The following DLGAP1 variants were observed in gnomAD, a reference collection of about 807,000 sequenced individuals.
DLGAP1 encodes DLG associated protein 1, also known as disks large-associated protein 1.
Under a neutral mutation model 90.8 loss-of-function variants are expected in DLGAP1, and 11 were observed. The ratio of observed to expected loss-of-function variants is 0.12; its 90% CI spans 0.08 to 0.20. The LOEUF (loss-of-function observed/expected upper bound fraction) is 0.20. DLGAP1 is among the 10% of genes least tolerant of loss of function. The pLI is 1.00. For missense variants in DLGAP1, 1,050 were observed against 1,333.8 expected (o/e 0.79, Z 3.31); for synonymous variants, 558 against 540.7 (o/e 1.03, Z -0.44).
intron 3 of DLGAP1, among the ~76,000 whole-genome samples, chr18:3,946,963 G>C (rs971416790): frequency 8.5e-5 from 13 of 152,130 alleles, no homozygotes; most frequent in Admixed American, 2.0e-4. Context: ...GATATTTTAG[G>C]GGGGAGACTT....
chr18:4,319,300 C>T (rs2080615275), intron 1 of DLGAP1, among the ~76,000 whole-genome samples: 1 of 152,140 alleles, frequency 6.6e-6, no homozygotes, highest in African/African-American at 2.4e-5. Context: ...TTATGTAGCC[C>T]TTCATGCTTT....
chr18:4,255,122 C>T (rs768931245), intron 1 of DLGAP1, among the ~76,000 whole-genome samples: 6 of 152,154 alleles, frequency 3.9e-5, no homozygotes, highest in Non-Finnish European at 8.8e-5. Context: ...CCGATTAAAA[C>T]CTCTGCACAG....
chr18:3,990,599 G>A (rs1013988818), intron 3 of DLGAP1, among the ~76,000 whole-genome samples: 2 of 146,792 alleles, frequency 1.4e-5, no homozygotes, highest in Admixed American at 6.8e-5. Flanking sequence ...AAACCTGCAC[G>A]TTGTGCACAT....
chr18:3,822,931 A>T (rs1314122065), intron 4 of DLGAP1, among the ~76,000 whole-genome samples: 1 of 152,224 alleles, frequency 6.6e-6, no homozygotes, highest in Admixed American at 6.5e-5. Context: ...GGATCACTTG[A>T]ATCCAGGAGT....
rs924494200 is a variant in DLGAP1 at position 3,740,926 on chromosome 18, T to C, written c.1350+1409A>G. Among the ~76,000 whole-genome samples, 6 of 113,424 alleles carry C rather than the reference T, an allele frequency of 5.3e-5. No homozygotes were observed. In the East Asian group the frequency reaches 1.8e-3, roughly 34 times the overall value. 74.4% of individuals were successfully genotyped at this position (113,424 alleles called of 152,430 possible). A position where few individuals can be genotyped will look rare whatever the true frequency, so the allele number is the denominator to read the frequency against. ...CCCATTACCAACACCACCACCACCA[T>C]GGTCATCACCACCACTGCCACCACT... On this transcript the variant is annotated intron_variant, in intron 6 of 12. Transcript: ENST00000315677.
At chr18:3,771,084 C>CT (rs1470674105) in intron 5 of DLGAP1, 4 of 152,136 alleles carry the variant, frequency 2.6e-5, no homozygotes, top group African/African-American at 9.7e-5. Flanking sequence ...AAAATGTACT[C>CT]TATTATGCTA....
chr18:4,256,854 G>A (rs1024379816), intron 1 of DLGAP1, among the ~76,000 whole-genome samples: 2 of 152,098 alleles, frequency 1.3e-5, no homozygotes, highest in African/African-American at 2.4e-5. Flanking sequence ...GAGGGTACAG[G>A]AAATGTGACA....
intron 9 of DLGAP1, among the ~76,000 whole-genome samples, chr18:3,563,943 G>T (rs1408954076): frequency 6.6e-6 from 1 of 151,956 alleles, no homozygotes; most frequent in Non-Finnish European, 1.5e-5. Context: ...ATCTCTCTTA[G>T]AACTCTTTTT....
chr18:3,948,455 C>T (rs867961220), intron 3 of DLGAP1, among the ~76,000 whole-genome samples: 14 of 152,150 alleles, frequency 9.2e-5, no homozygotes, highest in African/African-American at 2.9e-4. Context: ...ATGCCTGTGA[C>T]GATCTCCTTC....
At chr18:3,895,180 T>C (rs2071585881) in intron 3 of DLGAP1, among the ~76,000 whole-genome samples, 1 of 152,052 alleles carries the variant, frequency 6.6e-6, no homozygotes, top group South Asian at 2.1e-4. Context: ...CCAGCTTGAA[T>C]ACCAGGAAGG....
Position 3,515,637 on chromosome 18 carries a change from G to A in DLGAP1, c.2480-6976C>T, listed in dbSNP as rs1011843630. On this transcript the variant is annotated intron_variant, in intron 10 of 12. Coordinates refer to ENST00000315677, the MANE Select transcript of DLGAP1 (RefSeq NM_004746.4). ...CTACTAAAAATACGAAAAATTAGTC[G>A]GCCTGGTGGCACATCCCTGAAGTCC... Among the ~76,000 whole-genome samples the A allele has an allele frequency of 4.7e-5, 7 of 149,570 alleles. No individual in the cohort carries two copies. The South Asian group carries it at 6.4e-4, about 14-fold the overall frequency.
chr18:4,085,038 G>T (rs904804635), intron 2 of DLGAP1, among the ~76,000 whole-genome samples: 1 of 152,084 alleles, frequency 6.6e-6, no homozygotes, highest in East Asian at 1.9e-4. Flanking sequence ...GAGGTTTTCT[G>T]TACTTCTGTG....
At chr18:3,725,767 G>C (rs1289475066) in intron 7 of DLGAP1, among the ~76,000 whole-genome samples, 1 of 152,138 alleles carries the variant, frequency 6.6e-6, no homozygotes, top group Non-Finnish European at 1.5e-5. Context: ...ATAACTTTAA[G>C]TTCCGTAACT....
chr18:3,633,054 G>A (rs544742723), intron 7 of DLGAP1, among the ~76,000 whole-genome samples: 20 of 152,200 alleles, frequency 1.3e-4, no homozygotes, highest in African/African-American at 4.3e-4. Context: ...CTACGCCTTG[G>A]GCAAGTTTTG....
intron 1 of DLGAP1, among the ~76,000 whole-genome samples, chr18:4,172,127 G>A (rs565205348): frequency 6.6e-6 from 1 of 152,308 alleles, no homozygotes; most frequent in East Asian, 1.9e-4. Flanking sequence ...GGCAAAGACA[G>A]CTGATTAGAA....
chr18:3,897,102 T>C (rs960682726), intron 3 of DLGAP1: 2 of 152,264 alleles, frequency 1.3e-5, no homozygotes, highest in Non-Finnish European at 2.9e-5. Flanking sequence ...AGTCCCATGT[T>C]ACATAAAACT....
chr18:3,572,081 T>G (rs1337251278), intron 8 of DLGAP1, among the ~76,000 whole-genome samples: 1 of 145,996 alleles, frequency 6.8e-6, no homozygotes, highest in Admixed American at 6.9e-5. Context: ...TTTTTTTTTT[T>G]TTTTTTTTTC....
chr18:3,677,619 C>T (rs1038441361), intron 7 of DLGAP1, among the ~76,000 whole-genome samples: 2 of 152,196 alleles, frequency 1.3e-5, no homozygotes, highest in Non-Finnish European at 1.5e-5. Flanking sequence ...CTTCAGGGAT[C>T]CAGTGCTCAG....
intron 3 of DLGAP1, among the ~76,000 whole-genome samples, chr18:3,930,711 G>C (rs1391640132): frequency 6.6e-6 from 1 of 152,156 alleles, no homozygotes; most frequent in Non-Finnish European, 1.5e-5. Flanking sequence ...CCGACATGCT[G>C]AGGGACACTG....
Sources: allele counts gnomAD v4.1 joint callset (sites outside exome capture counted in the v4.1 genomes callset), GRCh38; gene constraint gnomAD v4.1.1; transcripts MANE v1.5; gene names NCBI Gene and HGNC (gene_info 2026-07-23, HGNC 2026-07-21).